KY: variants seen among roughly 807,000 people sequenced by gnomAD.
KY encodes the protein kyphoscoliosis peptidase.
Under a neutral mutation model 76.1 loss-of-function variants are expected in KY, and 43 were observed. The observed-to-expected ratio is 0.57, with a 90% CI of 0.44 to 0.73. The LOEUF (loss-of-function observed/expected upper bound fraction) is 0.73, where lower values mean the gene tolerates loss of function less well. Ranked by LOEUF, KY falls within the 30% of genes least tolerant of loss-of-function variation. The pLI is 0.00. For synonymous variants in KY, 277 were observed against 326.2 expected (o/e 0.85, Z 1.63); for missense variants, 722 against 828.9 (o/e 0.87, Z 1.58).
intron 10 of KY, 43 bp from the exon 11 acceptor site, chr3:134,604,517 G>A (rs368214963): frequency 1.0e-4 from 147 of 1,476,020 alleles, no homozygotes; most frequent in Middle Eastern, 2.5e-4. Context: ...GGTCCAGCAC[G>A]TGCTGATGTG....
At chr3:134,610,723 A>G in intron 8 of KY, 1 of 211,478 alleles carries the variant, frequency 4.7e-6, no homozygotes, top group Non-Finnish European at 9.3e-6. Context: ...GGAGGAAAAA[A>G]TGGGGGCAAG....
At chr3:134,616,743 G>A (rs1961632217) in intron 8 of KY, among the ~76,000 whole-genome samples, 1 of 152,246 alleles carries the variant, frequency 6.6e-6, no homozygotes, top group African/African-American at 2.4e-5. Flanking sequence ...CTCAAGGCAA[G>A]TGTCAATTTT....
In KY at chr3:134,606,858, G is replaced by A; in HGVS notation, c.1090+1791C>T. 4 of 912,996 alleles carry A rather than the reference G, an allele frequency of 4.4e-6. No individual in the cohort carries two copies. In the South Asian group the frequency reaches 2.0e-4, roughly 46 times the overall value. The allele number at this position is 912,996 out of a possible 1,614,324, so 56.6% of individuals were successfully genotyped here. On this transcript the variant is annotated intron_variant, in intron 10 of 10. Transcript: ENST00000423778. ...CTCCCCTCCACGGCACTCTCCTAGA[G>A]CCTGGCAGCTTTCCAGCCCCTTATC... is the stretch of plus-strand genomic sequence containing the variant.
At chr3:134,607,258 T>C in intron 10 of KY, 1 of 985,402 alleles carries the variant, frequency 1.0e-6, no homozygotes, top group Non-Finnish European at 1.2e-6. Flanking sequence ...CTGCCAGGTA[T>C]TTGGAGTTGG....
chr3:134,643,256 G>C, intron 3 of KY, 60 bp downstream of exon 3: 1 of 1,535,652 alleles, frequency 6.5e-7, no homozygotes, highest in South Asian at 1.1e-5. Context: ...TCGCTGGCCA[G>C]AGCATCAGGT....
At chr3:134,625,230 C>A (rs1036805659) in intron 5 of KY, 95 bp from the exon 6 acceptor site, 3 of 935,820 alleles carry the variant, frequency 3.2e-6, no homozygotes, top group Non-Finnish European at 5.1e-6. Flanking sequence ...CTGTGACTGT[C>A]CAACCTTTAA....
intron 3 of KY, among the ~76,000 whole-genome samples, chr3:134,643,008 T>G (rs1293418951): frequency 6.6e-6 from 1 of 152,160 alleles, no homozygotes; most frequent in African/African-American, 2.4e-5. Context: ...GGCACATAGT[T>G]AGCATTCAAC....
intron 3 of KY, among the ~76,000 whole-genome samples, chr3:134,635,515 G>A (rs1230726187): frequency 4.2e-5 from 2 of 47,204 alleles, no homozygotes; most frequent in Admixed American, 1.9e-4. Flanking sequence ...AAAAAAAAAA[G>A]TACTTCTCAA....
At chr3:134,611,733 T>C (rs184952464) in intron 8 of KY, among the ~76,000 whole-genome samples, 1 of 152,328 alleles carries the variant, frequency 6.6e-6, no homozygotes, top group East Asian at 1.9e-4. Context: ...TGGTGGGGTC[T>C]GTTTCAGTGA....
chr3:134,627,746 T>G lies in KY; in HGVS notation c.400+10A>C, dbSNP rs145706524. On this transcript the variant is annotated intron_variant, in intron 5 of 10. Coordinates refer to ENST00000423778, the MANE Select transcript of KY (RefSeq NM_178554.6). ...TCTTGAGAATTGTCCTGGAAGACTC[T>G]GGAACTTACCATGGGCATCTTTCCC... 1.1e-4 allele frequency: 170 copies of G among 1,613,172 alleles called. No homozygotes were observed. The African/African-American group carries it at 1.6e-3, about 16-fold the overall frequency.
chr3:134,619,116 G>C (rs1000875237), intron 8 of KY, 32 bp downstream of exon 8: 1 of 1,550,530 alleles, frequency 6.4e-7, no homozygotes, highest in South Asian at 1.1e-5. Context: ...GATGGGTCCG[G>C]TGGTCAGCAT....
chr3:134,624,363 C>T (rs758486703), intron 6 of KY, among the ~76,000 whole-genome samples: 34 of 152,232 alleles, frequency 2.2e-4, no homozygotes, highest in Non-Finnish European at 3.5e-4. Flanking sequence ...TTGATCCATG[C>T]ACTCACCATC....
chr3:134,644,241 G>A (rs948739548), intron 2 of KY, among the ~76,000 whole-genome samples: 1 of 152,200 alleles, frequency 6.6e-6, no homozygotes, highest in Non-Finnish European at 1.5e-5. Context: ...GGGCATGCAC[G>A]CTACACACGT....
In KY at chr3:134,650,967, G is replaced by A; in HGVS notation, c.-7C>T. ...TGTCCTTCTTCAGCTCCATGATGCC[G>A]CCTCCTTTCCGACCTGGGCGCCGCG... On this transcript the variant is annotated 5_prime_UTR_variant, in exon 1 of 11. Coordinates refer to ENST00000423778, the MANE Select transcript of KY (RefSeq NM_178554.6). The A allele has an allele frequency of 6.2e-7, 1 of 1,613,006 alleles. No homozygotes were observed. Among genetic ancestry groups the A allele is most frequent in the Non-Finnish European group, 8.5e-7 (1 of 1,179,380 alleles).
chr3:134,604,657 G>C (rs1014927367), intron 10 of KY, among the ~76,000 whole-genome samples, 183 bp from the exon 11 acceptor site: 7 of 152,216 alleles, frequency 4.6e-5, no homozygotes, highest in African/African-American at 1.7e-4. Context: ...ACTGAGCATG[G>C]CATCAGCCAG....
intron 10 of KY, chr3:134,607,408 G>A: frequency 1.0e-6 from 1 of 985,638 alleles, no homozygotes; most frequent in Non-Finnish European, 1.2e-6. Flanking sequence ...CTCCCCAGGG[G>A]CTCTGGGCCC....
chr3:134,647,435 C>T lies in KY; in HGVS notation c.199G>A (p.Glu67Lys), dbSNP rs780340911. ...WQKLEGNDFH[E>K]NLVEKQHPQQ... ...GGTTGAAAGGAAAAAGAGAATTTAC[C>T]GTGAAAGTCATTTCCTTCTAATTTC... The change falls in exon 2 of 11, where the codon GAA becomes AAA. Residue 67 changes from glutamate to lysine, a missense_variant and splice_region_variant. This residue lies in a region of KY where 170 missense variants were observed against 148.1 expected (regional missense o/e 1.15). Transcript: ENST00000423778. 40 of 1,605,594 alleles carry T rather than the reference C, an allele frequency of 2.5e-5. No individual in the cohort carries two copies. The highest frequency in any genetic ancestry group is 1.9e-4 in the South Asian group (17 of 90,194).
rs113480490 is a variant in KY at position 134,601,515 on chromosome 3, A to G, written c.*2064T>C. Among the ~76,000 whole-genome samples the G allele has an allele frequency of 3.9e-5, 6 of 152,372 alleles. No homozygotes were observed. Among genetic ancestry groups the G allele is most frequent in the African/African-American group, 1.4e-4 (6 of 41,596 alleles). On this transcript the variant is annotated 3_prime_UTR_variant, in exon 11 of 11. Coordinates refer to ENST00000423778, the MANE Select transcript of KY (RefSeq NM_178554.6). ...GAAACAAACACATTTCTTTAAGCCC[A>G]TAAAATCAGAAGTGTGCAAGACGGC...
At chr3:134,644,374 A>G (rs1966174336) in intron 2 of KY, among the ~76,000 whole-genome samples, 1 of 152,214 alleles carries the variant, frequency 6.6e-6, no homozygotes, top group South Asian at 2.1e-4. Flanking sequence ...GGGAGCTCAC[A>G]GGCTTACTTG....
Sources: gnomAD v4.1 joint callset for allele counts (sites outside exome capture counted in the v4.1 genomes callset) on GRCh38, gnomAD v4.1.1 for gene constraint, gnomAD v4.1.1 regional missense constraint, MANE v1.5 for transcripts, NCBI Gene and HGNC (gene_info 2026-07-23, HGNC 2026-07-21) for gene names.